The following GNAL variants were observed in gnomAD, a reference collection of about 807,000 sequenced individuals.
The protein encoded by GNAL is G protein subunit alpha L.
GNAL carries 18 observed loss-of-function variants against 55.1 expected under a neutral mutation model. The observed-to-expected ratio is 0.33, with a 90% CI of 0.23 to 0.48. The LOEUF (loss-of-function observed/expected upper bound fraction) is 0.48, where lower values mean the gene tolerates loss of function less well. Ranked by LOEUF, GNAL falls within the 20% of genes least tolerant of loss-of-function variation. GNAL has a pLI of 0.99. For missense variants in GNAL, 412 were observed against 614.1 expected (o/e 0.67, Z 3.48); for synonymous variants, 253 against 237.0 (o/e 1.07, Z -0.62).
chr18:11,751,774 T>C lies in GNAL; in HGVS notation c.377-1079T>C. ...CTGACCCCTACAGCGCGGTAGCGCC[T>C]CTCCGAGAGCTCCGGGACCAGCGGC... On this transcript the variant is annotated intron_variant, in intron 1 of 11. Transcript: ENST00000334049. The surrounding 1 kb of genome is among the most constrained non-coding windows in gnomAD (Gnocchi z 4.5). The C allele has an allele frequency of 3.5e-5, 18 of 520,220 alleles. No homozygotes were observed. The highest frequency in any genetic ancestry group is 4.2e-5 in the Non-Finnish European group (17 of 404,556). The allele number at this position is 520,220 out of a possible 1,614,324, so 32.2% of individuals were successfully genotyped here.
intron 4 of GNAL, among the ~76,000 whole-genome samples, chr18:11,811,204 G>A (rs1427608476): frequency 2.0e-5 from 3 of 152,020 alleles, no homozygotes; most frequent in East Asian, 1.9e-4. Flanking sequence ...ACCGTCCCAC[G>A]GCCCCAGCGC....
intron 6 of GNAL, among the ~76,000 whole-genome samples, chr18:11,863,459 C>T (rs2036192969): frequency 6.6e-6 from 1 of 152,236 alleles, no homozygotes; most frequent in South Asian, 2.1e-4. Flanking sequence ...TTTATCCTCT[C>T]TAAGGCTGAT....
intron 1 of GNAL, among the ~76,000 whole-genome samples, chr18:11,721,877 ACT>A (rs1489775137): frequency 3.3e-5 from 5 of 150,010 alleles, no homozygotes; most frequent in Non-Finnish European, 7.4e-5. Flanking sequence ...CAAGAGTGAA[ACT>A]CTGTCTCAAA....
chr18:11,799,322 A>G (rs1001576021), intron 4 of GNAL, among the ~76,000 whole-genome samples: 2 of 152,152 alleles, frequency 1.3e-5, no homozygotes, highest in African/African-American at 2.4e-5. Context: ...GTCTTAGGGA[A>G]AGTGTAAAGC....
chr18:11,750,038 C>G (rs1402305963), intron 1 of GNAL, among the ~76,000 whole-genome samples: 1 of 152,126 alleles, frequency 6.6e-6, no homozygotes, highest in African/African-American at 2.4e-5. Context: ...CAGTGGAAAC[C>G]GTCCGGAGGC....
chr18:11,822,644 C>T (rs566009020), intron 4 of GNAL, among the ~76,000 whole-genome samples: 1 of 152,088 alleles, frequency 6.6e-6, no homozygotes, highest in African/African-American at 2.4e-5. Context: ...AGATCAATTT[C>T]TCAACCCTCT....
chr18:11,829,781 G>A (rs1454220710), intron 5 of GNAL, among the ~76,000 whole-genome samples: 5 of 152,248 alleles, frequency 3.3e-5, no homozygotes, highest in East Asian at 1.9e-4. Flanking sequence ...AGGCCGAGGC[G>A]GGTAGATCAC....
intron 4 of GNAL, among the ~76,000 whole-genome samples, chr18:11,777,940 C>A (rs115659734): frequency 1.1e-4 from 16 of 152,262 alleles, no homozygotes; most frequent in African/African-American, 3.9e-4. Context: ...TTTGGAGTCC[C>A]AGAGTCTGGT....
chr18:11,694,113 G>A (rs955835438), intron 1 of GNAL, among the ~76,000 whole-genome samples: 1 of 152,110 alleles, frequency 6.6e-6, no homozygotes, highest in African/African-American at 2.4e-5. Flanking sequence ...TTGGCCCACA[G>A]TGCTGGGATT....
chr18:11,767,769 G>A (rs1280451248), intron 4 of GNAL, among the ~76,000 whole-genome samples: 6 of 152,040 alleles, frequency 3.9e-5, no homozygotes, highest in South Asian at 2.1e-4. Context: ...TTATTTTTGC[G>A]TGCTCCATCC....
At chr18:11,713,669 A>G (rs528382625) in intron 1 of GNAL, among the ~76,000 whole-genome samples, 3 of 152,330 alleles carry the variant, frequency 2.0e-5, no homozygotes, top group African/African-American at 7.2e-5. Context: ...GAGCGAAAAC[A>G]ATCATTTAAA....
intron 4 of GNAL, among the ~76,000 whole-genome samples, chr18:11,797,644 G>C (rs142586522): frequency 3.5e-4 from 53 of 152,056 alleles, no homozygotes; most frequent in African/African-American, 1.2e-3. Flanking sequence ...CTTGGGTGGT[G>C]GGGGGGCTGG....
chr18:11,719,842 G>A (rs982575284), intron 1 of GNAL, among the ~76,000 whole-genome samples: 2 of 152,132 alleles, frequency 1.3e-5, no homozygotes, highest in African/African-American at 2.4e-5. Flanking sequence ...AGCTGCGCTC[G>A]CACCATGCTG....
intron 8 of GNAL, 85 bp downstream of exon 8, chr18:11,867,311 A>AGAT: frequency 1.2e-6 from 1 of 812,798 alleles, no homozygotes; most frequent in Non-Finnish European, 2.2e-6. Flanking sequence ...GAATTAGATA[A>AGAT]TCTCTAACTA....
chr18:11,753,922 A>G lies in GNAL; in HGVS notation c.601A>G (p.Ile201Val). 2 of 1,610,146 alleles carry G rather than the reference A, an allele frequency of 1.2e-6. No individual in the cohort carries two copies. The highest frequency in any genetic ancestry group is 1.1e-5 in the South Asian group (1 of 90,814). Residue 201 changes from isoleucine (I) to valine (V), a missense_variant, in exon 4 of 12, where the codon ATC (isoleucine) becomes GTC (valine). Physicochemically the swap from Ile to Val is conservative, Grantham distance 29 (BLOSUM62 3). This residue lies in a region of GNAL where 47 missense variants were observed against 82.7 expected (regional missense o/e 0.57). Coordinates refer to ENST00000334049, the MANE Select transcript of GNAL (RefSeq NM_182978.4). ...RSDYIKSIAP[I>V]TDFEYSQEFF... ...AGACTACATCAAGAGCATAGCCCCT[A>G]TCACTGACTTTGAATATTCCCAGGT...
At chr18:11,720,538 T>TC (rs2143400472) in intron 1 of GNAL, among the ~76,000 whole-genome samples, 1 of 152,352 alleles carries the variant, frequency 6.6e-6, no homozygotes, top group Admixed American at 6.5e-5. Flanking sequence ...TGGATGTCAG[T>TC]CCACAAGCTT....
At chr18:11,763,614 T>TGCTGA (rs2143202835) in intron 4 of GNAL, among the ~76,000 whole-genome samples, 1 of 152,124 alleles carries the variant, frequency 6.6e-6, no homozygotes, top group South Asian at 2.1e-4. Flanking sequence ...CAGCTTCAAG[T>TGCTGA]GATCCACCTC....
At chr18:11,807,343 G>A (rs2034691558) in intron 4 of GNAL, among the ~76,000 whole-genome samples, 1 of 152,190 alleles carries the variant, frequency 6.6e-6, no homozygotes, top group South Asian at 2.1e-4. Flanking sequence ...TGGTGAGAAG[G>A]GTGGGAACAG....
chr18:11,780,393 T>C (rs6505676), intron 4 of GNAL, among the ~76,000 whole-genome samples: 229 of 152,054 alleles, frequency 1.5e-3, no homozygotes, highest in African/African-American at 5.4e-3. Flanking sequence ...AAAAAGATAA[T>C]TTTTTGGTCA....
Sources: allele counts gnomAD v4.1 joint callset (sites outside exome capture counted in the v4.1 genomes callset), GRCh38; gene constraint gnomAD v4.1.1; regional missense constraint gnomAD v4.1.1; non-coding constraint Gnocchi (gnomAD v3.1); transcripts MANE v1.5; gene names NCBI Gene and HGNC (gene_info 2026-07-23, HGNC 2026-07-21).